Variants in CD44 observed in about 807,000 individuals in gnomAD.
The protein encoded by CD44 is CD44 molecule (IN blood group).
CD44 carries 49 observed loss-of-function variants against 88.8 expected under a neutral mutation model. The ratio of observed to expected loss-of-function variants is 0.55; its 90% CI spans 0.44 to 0.70. CD44 has a LOEUF of 0.70. Among genes scored for constraint, CD44 ranks in the 30% least tolerant of loss-of-function variants. The probability of loss-of-function intolerance (pLI) is 0.00; values close to 1 mark genes in which losing one functional copy is unlikely to be tolerated. For synonymous variants in CD44, 325 were observed against 312.3 expected (o/e 1.04, Z -0.43); for missense variants, 883 against 913.8 (o/e 0.97, Z 0.43).
In CD44 at chr11:35,211,531, G is replaced by T. The variant is rs865996393; in HGVS notation, c.1810+82G>T. ...TTTCATATTACAGAGGACATTTTCT[G>T]TGTAGTCTGGGATTGGACTAGTTTG... On this transcript the variant is annotated intron_variant, in intron 14 of 17. Coordinates refer to ENST00000428726, the MANE Select transcript of CD44 (RefSeq NM_000610.4). The T allele has an allele frequency of 7.8e-6, 8 of 1,025,868 alleles. No homozygotes were observed. In the African/African-American group the frequency reaches 1.3e-4, roughly 16 times the overall value. The allele number at this position is 1,025,868 out of a possible 1,614,324, so 63.5% of individuals were successfully genotyped here. A position where few individuals can be genotyped will look rare whatever the true frequency, so the allele number is the denominator to read the frequency against.
At chr11:35,215,187 G>A (rs7105890) in intron 15 of CD44, among the ~76,000 whole-genome samples, 28,090 of 152,156 alleles carry the variant, frequency 0.18, 2,814 homozygotes, top group Middle Eastern at 0.24. Context: ...CACTTTGAGA[G>A]CTACTGCTCT....
intron 1 of CD44, among the ~76,000 whole-genome samples, chr11:35,174,499 T>C (rs1402939213): frequency 6.6e-6 from 1 of 152,236 alleles, no homozygotes; most frequent in Non-Finnish European, 1.5e-5. Context: ...ACCCTTTGCA[T>C]GCAGTTTCCT....
intron 1 of CD44, among the ~76,000 whole-genome samples, chr11:35,172,088 A>G (rs960371870): frequency 6.6e-6 from 1 of 152,196 alleles, no homozygotes; most frequent in African/African-American, 2.4e-5. Context: ...ACCTTCCAGA[A>G]AGTTAACAAA....
At position 35,181,884 on chromosome 11, in the gene CD44, TTC is replaced by T. The variant is rs1565080285; in HGVS notation, c.367+1479_367+1480del. ...ATTTATATATATATATTATATATAA[TTC>T]TATATATAATATAATATATAATATA... On this transcript the variant is annotated intron_variant, in intron 3 of 17. Transcript: ENST00000428726. Among the ~76,000 whole-genome samples, 10 of 61,218 alleles carry T rather than the reference TTC, an allele frequency of 1.6e-4. No homozygotes were observed. The South Asian group carries it at 2.5e-3, about 15-fold the overall frequency. 40.2% of individuals were successfully genotyped at this position (61,218 alleles called of 152,430 possible).
chr11:35,209,527 T>C (rs879167169), intron 12 of CD44, among the ~76,000 whole-genome samples: 1 of 152,214 alleles, frequency 6.6e-6, no homozygotes, highest in Non-Finnish European at 1.5e-5. Flanking sequence ...GACTACAGGC[T>C]ATCATAGTGT....
chr11:35,169,767 T>A (rs7952338), intron 1 of CD44, among the ~76,000 whole-genome samples: 5 of 152,360 alleles, frequency 3.3e-5, no homozygotes, highest in African/African-American at 9.6e-5. Flanking sequence ...TTTTCCTTGA[T>A]CTGAGGCTTA....
At chr11:35,205,753 A>T (rs1947767697) in intron 10 of CD44, 2 of 986,134 alleles carry the variant, frequency 2.0e-6, no homozygotes, top group South Asian at 9.3e-5. Flanking sequence ...GAATAACATC[A>T]TGCACTCGGG....
chr11:35,141,019 A>T (rs1590842896), intron 1 of CD44, among the ~76,000 whole-genome samples: 1 of 123,536 alleles, frequency 8.1e-6, no homozygotes, highest in African/African-American at 2.9e-5. Flanking sequence ...TGACTCTGTT[A>T]AAAAAAAAAA....
At position 35,190,284 on chromosome 11, in the gene CD44, A is replaced by C. The variant is rs1222582900; in HGVS notation, c.667+219A>C. 1.9e-5 allele frequency: 11 copies of C among 580,902 alleles called. No individual in the cohort carries two copies. In the East Asian group the frequency reaches 3.1e-4, roughly 16 times the overall value. The allele number at this position is 580,902 out of a possible 1,614,324, so 36.0% of individuals were successfully genotyped here. A position where few individuals can be genotyped will look rare whatever the true frequency, so the allele number is the denominator to read the frequency against. ...TTCCTCATCTATAACTGTTTTTCTTACCTTAGCATAAGAAGTGCCATATTG... is the reference window on the plus strand; with the variant it reads ...TTCCTCATCTATAACTGTTTTTCTTCCCTTAGCATAAGAAGTGCCATATTG... On this transcript the variant is annotated intron_variant, in intron 5 of 17. Transcript: ENST00000428726.
In CD44 at chr11:35,229,206, G is replaced by T; in HGVS notation, c.2102G>T (p.Gly701Val). 1 of 1,614,070 alleles carries T rather than the reference G, an allele frequency of 6.2e-7. No homozygotes were observed. Among genetic ancestry groups the T allele is most frequent in the Non-Finnish European group, 8.5e-7 (1 of 1,179,932 alleles). ...VEDRKPSGLN[G>V]EASKSQEMVH... Reference sequence around the variant, plus strand: ...GACAGAAAGCCAAGTGGACTCAACGGAGAGGCCAGCAAGTCTCAGGAAATG... The same window carrying T: ...GACAGAAAGCCAAGTGGACTCAACGTAGAGGCCAGCAAGTCTCAGGAAATG... The change falls in exon 18 of 18, where the codon GGA (glycine) becomes GTA (valine). Residue 701 changes from glycine to valine, a missense_variant. Around this residue, in one of 2 missense-constraint regions of CD44, gnomAD observed 631 missense variants for 590.9 expected, o/e 1.07. Coordinates refer to ENST00000428726, the MANE Select transcript of CD44 (RefSeq NM_000610.4).
chr11:35,220,422 A>G (rs560920889), intron 16 of CD44, among the ~76,000 whole-genome samples: 11 of 152,202 alleles, frequency 7.2e-5, no homozygotes, highest in Non-Finnish European at 1.5e-4. Flanking sequence ...CTAAACCAGG[A>G]AAAGGTGAGG....
chr11:35,166,490 G>A (rs1409808270), intron 1 of CD44, among the ~76,000 whole-genome samples: 1 of 152,020 alleles, frequency 6.6e-6, no homozygotes, highest in Non-Finnish European at 1.5e-5. Context: ...AACAACCCAA[G>A]AGCTTTCTAG....
chr11:35,180,238 C>T (rs371623815), intron 2 of CD44, 36 bp from the exon 3 acceptor site: 3 of 1,610,298 alleles, frequency 1.9e-6, no homozygotes, highest in Non-Finnish European at 2.5e-6. Context: ...CCATCTTAGC[C>T]ATTTAGGTCA....
At chr11:35,151,242 G>T (rs1223895450) in intron 1 of CD44, among the ~76,000 whole-genome samples, 1 of 152,106 alleles carries the variant, frequency 6.6e-6, no homozygotes, top group Non-Finnish European at 1.5e-5. Context: ...GAGAATTCAT[G>T]AAAAGAACAG....
At position 35,142,306 on chromosome 11, in the gene CD44, A is replaced by G. The variant is rs537508392; in HGVS notation, c.67+2936A>G. Reference sequence around the variant, plus strand: ...ACCCAGCCATCCCATTACTGGGTATATACCCAAAGGACTACAAATCATGCT... The same window carrying G: ...ACCCAGCCATCCCATTACTGGGTATGTACCCAAAGGACTACAAATCATGCT... On this transcript the variant is annotated intron_variant, in intron 1 of 17. Transcript: ENST00000428726. 4.6e-5 allele frequency among the ~76,000 whole-genome samples: 7 copies of G among 152,322 alleles called. No homozygotes were observed. The South Asian group carries it at 1.2e-3, about 27-fold the overall frequency.
intron 1 of CD44, among the ~76,000 whole-genome samples, chr11:35,161,104 G>C (rs1942545065): frequency 6.6e-6 from 1 of 152,182 alleles, no homozygotes; most frequent in Non-Finnish European, 1.5e-5. Flanking sequence ...AATTAAGTTA[G>C]AGTAAGAGGC....
intron 3 of CD44, among the ~76,000 whole-genome samples, chr11:35,181,921 T>TTATATATTA (rs371328712): frequency 2.9e-5 from 2 of 68,216 alleles, no homozygotes; most frequent in Non-Finnish European, 5.3e-5. Context: ...ATATTATATA[T>TTATATATTA]TATATTATAT....
At chr11:35,180,247 C>A (rs763554773) in intron 2 of CD44, 27 bp from the exon 3 acceptor site, 5 of 1,612,898 alleles carry the variant, frequency 3.1e-6, no homozygotes, top group South Asian at 1.1e-5. Flanking sequence ...CCATTTAGGT[C>A]AATATCCTGT....
chr11:35,207,054 A>C (rs1947938194), intron 11 of CD44, among the ~76,000 whole-genome samples: 1 of 152,244 alleles, frequency 6.6e-6, no homozygotes, highest in African/African-American at 2.4e-5. Flanking sequence ...TATAAGAGGG[A>C]AGATGAACAA....
Sources: gnomAD v4.1 joint callset for allele counts (sites outside exome capture counted in the v4.1 genomes callset) on GRCh38, gnomAD v4.1.1 for gene constraint, gnomAD v4.1.1 regional missense constraint, MANE v1.5 for transcripts, NCBI Gene and HGNC (gene_info 2026-07-23, HGNC 2026-07-21) for gene names.